Variants in MGMT observed in about 807,000 individuals in gnomAD.
MGMT encodes methylated-DNA--protein-cysteine methyltransferase.
A neutral mutation model predicts 15.9 loss-of-function variants in MGMT; 14 were observed. The ratio of observed to expected loss-of-function variants is 0.88; its 90% CI spans 0.58 to 1.37. MGMT has a LOEUF of 1.37. Ranked by LOEUF, MGMT falls within the 40% of genes most tolerant of loss-of-function variation. MGMT has a pLI of 0.00. For missense variants in MGMT, 282 were observed against 268.1 expected (o/e 1.05, Z -0.36); for synonymous variants, 130 against 118.2 (o/e 1.10, Z -0.65).
At chr10:129,479,216 A>T (rs1845328846) in intron 1 of MGMT, among the ~76,000 whole-genome samples, 2 of 152,056 alleles carry the variant, frequency 1.3e-5, no homozygotes, top group South Asian at 4.1e-4. Context: ...TGCCACTAAT[A>T]GTTAGGGTGG....
At chr10:129,502,449 G>GT (rs1845583949) in intron 1 of MGMT, among the ~76,000 whole-genome samples, 1 of 152,044 alleles carries the variant, frequency 6.6e-6, no homozygotes, top group African/African-American at 2.4e-5. Flanking sequence ...CTACAAAAAG[G>GT]TACAGAAGCT....
intron 1 of MGMT, among the ~76,000 whole-genome samples, chr10:129,467,710 A>G (rs541286177): frequency 2.4e-4 from 37 of 152,336 alleles, no homozygotes; most frequent in African/African-American, 7.9e-4. Flanking sequence ...ATACTTAGGC[A>G]GAGTCCCATA....
intron 1 of MGMT, among the ~76,000 whole-genome samples, chr10:129,527,976 T>C (rs372706434): frequency 6.6e-6 from 1 of 151,880 alleles, no homozygotes; most frequent in East Asian, 1.9e-4. Context: ...TACAACACTA[T>C]CCCTTCTCTC....
chr10:129,542,653 A>C (rs1846056363), intron 2 of MGMT, among the ~76,000 whole-genome samples: 1 of 152,192 alleles, frequency 6.6e-6, no homozygotes, highest in African/African-American at 2.4e-5. Flanking sequence ...ATTTTACTTT[A>C]TAGAGTGTTC....
intron 3 of MGMT, among the ~76,000 whole-genome samples, chr10:129,748,823 A>G (rs1014018805): frequency 2.0e-5 from 3 of 152,200 alleles, no homozygotes; most frequent in African/African-American, 4.8e-5. Flanking sequence ...CCCACTCACA[A>G]TGAGAAACCT....
intron 2 of MGMT, among the ~76,000 whole-genome samples, chr10:129,538,018 A>T (rs1846004175): frequency 6.6e-6 from 1 of 152,052 alleles, no homozygotes; most frequent in African/African-American, 2.4e-5. Context: ...GTGAGTAAGG[A>T]AGGAGTGGGA....
chr10:129,662,403 G>A (rs1049103218), intron 2 of MGMT, among the ~76,000 whole-genome samples: 4 of 152,120 alleles, frequency 2.6e-5, no homozygotes, highest in Non-Finnish European at 5.9e-5. Context: ...GGAAAATCCT[G>A]GGTAAACTGC....
chr10:129,481,136 T>C (rs553228019), intron 1 of MGMT, among the ~76,000 whole-genome samples: 1 of 152,322 alleles, frequency 6.6e-6, no homozygotes, highest in Admixed American at 6.5e-5. Flanking sequence ...GCATCCACGG[T>C]TTTCCCCAGC....
intron 2 of MGMT, among the ~76,000 whole-genome samples, chr10:129,695,218 G>A (rs547237352): frequency 1.8e-4 from 28 of 152,292 alleles, no homozygotes; most frequent in African/African-American, 6.5e-4. Context: ...TGTTCCAGCT[G>A]CAGCAATCAA....
intron 2 of MGMT, among the ~76,000 whole-genome samples, chr10:129,696,400 C>T (rs1848033200): frequency 6.6e-6 from 1 of 152,164 alleles, no homozygotes; most frequent in Non-Finnish European, 1.5e-5. Context: ...TTCCAGGTTC[C>T]GACTGCAGAG....
chr10:129,477,625 G>A (rs553582340), intron 1 of MGMT, among the ~76,000 whole-genome samples: 2 of 152,314 alleles, frequency 1.3e-5, no homozygotes, highest in South Asian at 2.1e-4. Context: ...AGGACACAGC[G>A]AGGAGGAGGC....
intron 3 of MGMT, among the ~76,000 whole-genome samples, chr10:129,733,321 T>A (rs1461064594): frequency 5.9e-5 from 9 of 152,144 alleles, no homozygotes; most frequent in African/African-American, 2.2e-4. Flanking sequence ...ATGGTGAGCA[T>A]TTTTTCATGT....
chr10:129,679,422 A>G (rs555436574), intron 2 of MGMT, among the ~76,000 whole-genome samples: 49 of 152,274 alleles, frequency 3.2e-4, no homozygotes, highest in Middle Eastern at 3.4e-3. Flanking sequence ...TTACTTGACC[A>G]AAGAGCGTTT....
chr10:129,745,255 C>T (rs549060341), intron 3 of MGMT, among the ~76,000 whole-genome samples: 10 of 152,112 alleles, frequency 6.6e-5, no homozygotes, highest in Non-Finnish European at 1.3e-4. Context: ...TTTAAATTAA[C>T]ATGTAGTGAA....
chr10:129,596,931 G>A (rs1846758098), intron 2 of MGMT, among the ~76,000 whole-genome samples: 1 of 152,148 alleles, frequency 6.6e-6, no homozygotes, highest in South Asian at 2.1e-4. Flanking sequence ...TTTAGTGGAT[G>A]TAGGAGTGAG....
rs1001558879 is a variant in MGMT at position 129,476,153 on chromosome 10, T to C, written c.-13+8857T>C. ...TCGTTGAATTTTCTTTTTTTTTGGT[T>C]CTCCGGAAGCATGGGCTTATAAGCC... On this transcript the variant is annotated intron_variant, in intron 1 of 4. Transcript: ENST00000651593. 2.0e-5 allele frequency among the ~76,000 whole-genome samples: 3 copies of C among 152,148 alleles called. No homozygotes were observed. In the East Asian group the frequency reaches 5.8e-4, roughly 29 times the overall value.
intron 2 of MGMT, among the ~76,000 whole-genome samples, chr10:129,627,343 C>G (rs1847161307): frequency 6.6e-6 from 1 of 152,102 alleles, no homozygotes; most frequent in Admixed American, 6.5e-5. Flanking sequence ...TGGAACCAGT[C>G]TAACAAAAAC....
At chr10:129,731,960 A>G (rs1229585591) in intron 3 of MGMT, among the ~76,000 whole-genome samples, 1 of 152,154 alleles carries the variant, frequency 6.6e-6, no homozygotes, top group African/African-American at 2.4e-5. Context: ...CTGTAAGAGA[A>G]TGAGAATCTA....
chr10:129,633,712 C>T (rs1370165128), intron 2 of MGMT, among the ~76,000 whole-genome samples: 1 of 152,166 alleles, frequency 6.6e-6, no homozygotes, highest in East Asian at 1.9e-4. Flanking sequence ...TCACTCTTTG[C>T]TTGCATAAAC....
Sources: allele counts gnomAD v4.1 joint callset (sites outside exome capture counted in the v4.1 genomes callset), GRCh38; gene constraint gnomAD v4.1.1; transcripts MANE v1.5; gene names NCBI Gene and HGNC (gene_info 2026-07-23, HGNC 2026-07-21).